Variants in OTOG observed in about 807,000 individuals in gnomAD.
OTOG encodes the protein otogelin.
In OTOG, 296 loss-of-function variants were observed where a neutral mutation model predicts 313.8. That is an observed-to-expected ratio of 0.94 (90% CI 0.86 to 1.04). OTOG has a LOEUF of 1.04. Among genes scored for constraint, OTOG ranks in the 50% least tolerant of loss-of-function variants. The pLI is 0.00. For synonymous variants in OTOG, 1,533 were observed against 1,554.9 expected (o/e 0.99, Z 0.33); for missense variants, 3,948 against 3,840.1 (o/e 1.03, Z -0.74).
In OTOG at chr11:17,629,249, C is replaced by T. The variant is rs1024490868; in HGVS notation, c.6645C>T (p.Leu2215=). The T allele has an allele frequency of 4.5e-6, 7 of 1,550,504 alleles. No homozygotes were observed. The highest frequency in any genetic ancestry group is 6.1e-6 in the Non-Finnish European group (7 of 1,147,010). Residue 2215 remains leucine (L), a synonymous_variant, in exon 40 of 56, where the codon CTC becomes CTT. Transcript: ENST00000399397. ...LTPSDIQIQW[L]HSSGLMIVEA... The stretch of plus-strand genomic sequence containing the variant: ...CCTCAGACATCCAGATCCAGTGGCT[C>T]CACAGCTCAGGACTCATGATCGTGG...
intron 33 of OTOG, among the ~76,000 whole-genome samples, chr11:17,608,082 T>C (rs1465292676): frequency 6.6e-6 from 1 of 152,160 alleles, no homozygotes; most frequent in Non-Finnish European, 1.5e-5. Flanking sequence ...TCCTCAGTCC[T>C]GCATTCAGCT....
chr11:17,624,810 T>G (rs563521663), intron 39 of OTOG, among the ~76,000 whole-genome samples: 1 of 152,314 alleles, frequency 6.6e-6, no homozygotes, highest in Admixed American at 6.5e-5. Flanking sequence ...TTTCCATTTG[T>G]TTGTGTCATC....
chr11:17,579,241 C>T (rs574674584), intron 23 of OTOG, among the ~76,000 whole-genome samples: 7 of 152,172 alleles, frequency 4.6e-5, no homozygotes, highest in Non-Finnish European at 7.3e-5. Flanking sequence ...ACCCGGGAGT[C>T]GTGGCCCAGG....
At chr11:17,607,278 G>A (rs954677741) in intron 33 of OTOG, among the ~76,000 whole-genome samples, 2 of 152,226 alleles carry the variant, frequency 1.3e-5, no homozygotes, top group African/African-American at 4.8e-5. Context: ...TGCCGGTGGG[G>A]GATGCTCCCT....
rs768421997 is a variant in OTOG, at chr11:17,573,193, C to T, written c.2196C>T (p.Cys732=). ...FEQCRRDACR[C]GQPCLCATLA... The stretch of plus-strand genomic sequence containing the variant: ...AGTGCCGCAGGGATGCCTGCCGCTG[C>T]GGGCAGCCCTGCCTGTGCGCCACAC... The change falls in exon 19 of 56, where the codon TGC becomes TGT. Residue 732 remains cysteine (C), a synonymous_variant. Coordinates refer to ENST00000399397, the MANE Select transcript of OTOG (RefSeq NM_001292063.2). 24 of 1,539,600 alleles carry T rather than the reference C, an allele frequency of 1.6e-5. No homozygotes were observed. The South Asian group carries it at 1.7e-4, about 11-fold the overall frequency.
At position 17,574,653 on chromosome 11, in the gene OTOG, C is replaced by A. The variant is rs561844616; in HGVS notation, c.2294-67C>A. The A allele has an allele frequency of 2.3e-5, 33 of 1,412,704 alleles. No individual in the cohort carries two copies. In the South Asian group the frequency reaches 4.3e-4, roughly 19 times the overall value. The allele number at this position is 1,412,704 out of a possible 1,614,324, so 87.5% of individuals were successfully genotyped here. On this transcript the variant is annotated intron_variant, in intron 19 of 55. Coordinates refer to ENST00000399397, the MANE Select transcript of OTOG (RefSeq NM_001292063.2). The stretch of plus-strand genomic sequence containing the variant: ...ATCTCCATTCTCCTCATCAGAATGA[C>A]AGCCCCACTCCACATAACTGTGGGG...
chr11:17,592,032 C>G (rs1387111030), intron 25 of OTOG, among the ~76,000 whole-genome samples: 1 of 152,150 alleles, frequency 6.6e-6, no homozygotes, highest in Non-Finnish European at 1.5e-5. Flanking sequence ...ACACAGCAGT[C>G]AGTGGTAGAG....
At chr11:17,593,845 G>T (rs1853019100) in intron 27 of OTOG, 89 bp downstream of exon 27, 2 of 1,476,970 alleles carry the variant, frequency 1.4e-6, no homozygotes, top group Admixed American at 2.0e-5. Context: ...TCCCTGAGGA[G>T]CCAAGAAGAG....
At position 17,634,323 on chromosome 11, in the gene OTOG, C is replaced by T. The variant is rs1481386123; in HGVS notation, c.7480+42C>T. 9 of 1,535,552 alleles carry T rather than the reference C, an allele frequency of 5.9e-6. No individual in the cohort carries two copies. The African/African-American group carries it at 6.9e-5, about 12-fold the overall frequency. On this transcript the variant is annotated intron_variant, in intron 44 of 55. Transcript: ENST00000399397. ...ACTTCCTTGGACGTCAACTGTAAAACAGTTAAAAGGTTCCAGCCCTGCACA... is the reference window on the plus strand; with the variant it reads ...ACTTCCTTGGACGTCAACTGTAAAATAGTTAAAAGGTTCCAGCCCTGCACA...
chr11:17,575,166 C>T (rs867335149), intron 20 of OTOG, among the ~76,000 whole-genome samples: 9 of 152,230 alleles, frequency 5.9e-5, no homozygotes, highest in African/African-American at 2.2e-4. Context: ...AGCCCAGGGG[C>T]CCTCTCTCTC....
At chr11:17,557,078 G>A (rs1454741815) in intron 7 of OTOG, 40 bp from the exon 8 acceptor site, 3 of 1,535,430 alleles carry the variant, frequency 2.0e-6, no homozygotes, top group South Asian at 1.2e-5. Flanking sequence ...GCTAGTGGAG[G>A]TGTTGTGGAT....
At chr11:17,600,561 G>A (rs1853224009) in intron 31 of OTOG, among the ~76,000 whole-genome samples, 2 of 152,170 alleles carry the variant, frequency 1.3e-5, no homozygotes, top group African/African-American at 2.4e-5. Context: ...CTGGAGACAG[G>A]ATACCATCTG....
chr11:17,586,181 A>G (rs191678350), intron 23 of OTOG, among the ~76,000 whole-genome samples: 183 of 152,284 alleles, frequency 1.2e-3, no homozygotes, highest in African/African-American at 3.7e-3. Context: ...GTGCCTGAGG[A>G]GCAACTGGCA....
chr11:17,566,671 A>G (rs1852299126), intron 15 of OTOG, among the ~76,000 whole-genome samples: 3 of 152,230 alleles, frequency 2.0e-5, no homozygotes. Flanking sequence ...CTAATTGTTC[A>G]ATTCCAGCAT....
At chr11:17,557,672 A>T (rs1048979464) in intron 8 of OTOG, among the ~76,000 whole-genome samples, 1 of 152,022 alleles carries the variant, frequency 6.6e-6, no homozygotes, top group Non-Finnish European at 1.5e-5. Context: ...GAAATGGCCC[A>T]GCTAAAGACA....
intron 38 of OTOG, among the ~76,000 whole-genome samples, chr11:17,613,265 TTC>T (rs200487464): frequency 7.9e-5 from 11 of 138,806 alleles, no homozygotes; most frequent in East Asian, 2.1e-4. Context: ...CTTTCTTTCT[TTC>T]TCTCTCTGTC....
At chr11:17,561,198 A>G (rs1852174961) in intron 14 of OTOG, 61 bp downstream of exon 14, 1 of 1,537,774 alleles carries the variant, frequency 6.5e-7, no homozygotes, top group African/African-American at 1.4e-5. Context: ...GTTTTGGGGC[A>G]AGGAATCTCT....
chr11:17,635,588 C>T, intron 46 of OTOG, 22 bp from the exon 47 acceptor site: 1 of 1,533,244 alleles, frequency 6.5e-7, no homozygotes. Context: ...GCTGTGACAG[C>T]ATTGACCCTC....
intron 18 of OTOG, among the ~76,000 whole-genome samples, chr11:17,572,453 G>A (rs557153259): frequency 1.3e-5 from 2 of 152,290 alleles, no homozygotes; most frequent in South Asian, 2.1e-4. Context: ...GGGCAAAAGC[G>A]GAAGTCGGCC....
Sources: allele counts gnomAD v4.1 joint callset (sites outside exome capture counted in the v4.1 genomes callset), GRCh38; gene constraint gnomAD v4.1.1; transcripts MANE v1.5; gene names NCBI Gene and HGNC (gene_info 2026-07-23, HGNC 2026-07-21).